MSR1: variants seen among roughly 807,000 people sequenced by gnomAD.
MSR1 encodes macrophage scavenger receptor types I and II.
A neutral mutation model predicts 47.2 loss-of-function variants in MSR1; 53 were observed. That is an observed-to-expected ratio of 1.12 (90% CI 0.90 to 1.41). The LOEUF (loss-of-function observed/expected upper bound fraction) is 1.41. Ranked by LOEUF, MSR1 falls within the 40% of genes most tolerant of loss-of-function variation. The pLI is 0.00. For synonymous variants in MSR1, 239 were observed against 185.6 expected, an observed-to-expected ratio of 1.29 and a Z score of -2.34; for missense variants, 786 against 546.9, an observed-to-expected ratio of 1.44 and a Z score of -4.36.
chr8:16,133,122 T>G (rs553517899), intron 8 of MSR1, among the ~76,000 whole-genome samples: 1 of 152,190 alleles, frequency 6.6e-6, no homozygotes, highest in Non-Finnish European at 1.5e-5. Context: ...ATTAAAACAG[T>G]TTGTGGAAAA....
intron 9 of MSR1, among the ~76,000 whole-genome samples, chr8:16,110,898 T>C (rs1333288389): frequency 1.3e-5 from 2 of 152,146 alleles, no homozygotes; most frequent in African/African-American, 4.8e-5. Context: ...TGTAAGAGTG[T>C]TAACAGTAAG....
intron 8 of MSR1, chr8:16,140,458 C>A: frequency 3.0e-6 from 3 of 987,172 alleles, no homozygotes; most frequent in Non-Finnish European, 3.6e-6. Flanking sequence ...AAAATTTACA[C>A]CCTAGTTGTA....
chr8:16,167,947 T>C (rs905186505), intron 4 of MSR1, among the ~76,000 whole-genome samples: 4 of 152,148 alleles, frequency 2.6e-5, no homozygotes, highest in African/African-American at 7.2e-5. Flanking sequence ...AAACGGAATA[T>C]CAACATGTTG....
chr8:16,111,803 G>T lies in MSR1; in HGVS notation c.1223-1585C>A, dbSNP rs529474912. Among the ~76,000 whole-genome samples the T allele has an allele frequency of 2.5e-3, 381 of 152,204 alleles. 3 individuals carry two copies. The highest frequency in any genetic ancestry group is 5.0e-3 in the Admixed American group (77 of 15,294). ...TTCAAAAACTGAATGCCATTATTGT[G>T]TCATTTTACTGTTGAGGAAACTGAA... On this transcript the variant is annotated intron_variant, in intron 9 of 9. Transcript: ENST00000262101.
chr8:16,123,256 G>A (rs765081434), intron 8 of MSR1, among the ~76,000 whole-genome samples: 7 of 152,072 alleles, frequency 4.6e-5, no homozygotes, highest in African/African-American at 7.2e-5. Context: ...ACACATTGCT[G>A]ATCCTTGACC....
intron 3 of MSR1, among the ~76,000 whole-genome samples, chr8:16,174,177 A>C (rs1801571144): frequency 6.6e-6 from 1 of 152,048 alleles, no homozygotes; most frequent in African/African-American, 2.4e-5. Flanking sequence ...TCTTAGTGGA[A>C]TTTTTGCTCT....
At chr8:16,183,305 T>G (rs1015659229) in intron 1 of MSR1, among the ~76,000 whole-genome samples, 2 of 151,990 alleles carry the variant, frequency 1.3e-5, no homozygotes, top group Non-Finnish European at 1.5e-5. Context: ...AGCTGAAGAC[T>G]TTTGAATCTG....
At chr8:16,166,675 C>T (rs1801321086) in intron 4 of MSR1, among the ~76,000 whole-genome samples, 1 of 152,098 alleles carries the variant, frequency 6.6e-6, no homozygotes, top group African/African-American at 2.4e-5. Context: ...CTTTTCACCT[C>T]TATGGATGAT....
At chr8:16,156,868 C>T (rs1801025359) in intron 5 of MSR1, among the ~76,000 whole-genome samples, 1 of 151,876 alleles carries the variant, frequency 6.6e-6, no homozygotes, top group Non-Finnish European at 1.5e-5. Context: ...TCTCTATGTG[C>T]CCCCTATTCC....
At chr8:16,139,692 T>A (rs1398606014) in intron 8 of MSR1, 1 of 972,322 alleles carries the variant, frequency 1.0e-6, no homozygotes, top group Non-Finnish European at 1.2e-6. Context: ...AAAAGTTTTA[T>A]TTTTGGTTTA....
rs567519528 is a variant in MSR1, at chr8:16,152,671, A to G, written c.899-2360T>C. ...AACAGCTTCTTAGATGGCCCACACAAAGTTTCCTTTAGAAAAGAAAGTTGC... is the reference window on the plus strand; with the variant it reads ...AACAGCTTCTTAGATGGCCCACACAGAGTTTCCTTTAGAAAAGAAAGTTGC... On this transcript the variant is annotated intron_variant, in intron 6 of 9. Transcript: ENST00000262101. Among the ~76,000 whole-genome samples the G allele has an allele frequency of 2.6e-5, 4 of 152,126 alleles. No individual in the cohort carries two copies. In the East Asian group the frequency reaches 7.7e-4, roughly 29 times the overall value.
chr8:16,177,969 A>C lies in MSR1; in HGVS notation c.20T>G (p.Phe7Cys). The C allele has an allele frequency of 1.2e-6, 2 of 1,613,914 alleles. No individual in the cohort carries two copies. The highest frequency in any genetic ancestry group is 2.2e-5 in the South Asian group (2 of 91,072). MEQWDH[F>C]HNQQEDTDSC... The stretch of plus-strand genomic sequence containing the variant: ...ATCAGTGTCCTCCTGTTGATTGTGA[A>C]AGTGATCCCACTGCTCCATACTTCT... Residue 7 changes from phenylalanine (F) to cysteine (C), a missense_variant, in exon 2 of 10, where the codon TTT becomes TGT. Physicochemically the swap from Phe to Cys is radical, Grantham distance 205. Transcript: ENST00000262101.
chr8:16,114,668 G>C (rs546644267), intron 9 of MSR1, among the ~76,000 whole-genome samples: 15 of 152,110 alleles, frequency 9.9e-5, no homozygotes, highest in African/African-American at 3.4e-4. Context: ...CAGAAAAAAA[G>C]GTGCATCCAA....
chr8:16,148,691 C>T (rs1183010555), intron 7 of MSR1, among the ~76,000 whole-genome samples: 1 of 151,982 alleles, frequency 6.6e-6, no homozygotes, highest in Non-Finnish European at 1.5e-5. Flanking sequence ...GATCCGCCCA[C>T]CTCAGTGATC....
chr8:16,108,605 C>T lies in MSR1; in HGVS notation c.*1480G>A, dbSNP rs1217535439. On this transcript the variant is annotated 3_prime_UTR_variant, in exon 10 of 10. Transcript: ENST00000262101. ...CTGAAATTACAGCCAGGGTTTGAGACAGAAAGTGTACATTCAGAATTCATT... is the reference window on the plus strand; with the variant it reads ...CTGAAATTACAGCCAGGGTTTGAGATAGAAAGTGTACATTCAGAATTCATT... 6.6e-6 allele frequency: 1 copy of T among 152,070 alleles called. No homozygotes were observed. Among genetic ancestry groups the T allele is most frequent in the Non-Finnish European group, 1.5e-5 (1 of 67,994 alleles). The allele number at this position is 152,070 out of a possible 1,614,324, so 9.4% of individuals were successfully genotyped here.
At chr8:16,110,305 A>T in intron 9 of MSR1, 87 bp from the exon 10 acceptor site, 2 of 1,447,258 alleles carry the variant, frequency 1.4e-6, no homozygotes, top group Non-Finnish European at 1.9e-6. Flanking sequence ...TCCTTCACTA[A>T]TTAAACAAAA....
chr8:16,123,363 T>A (rs554025555), intron 8 of MSR1, among the ~76,000 whole-genome samples: 8 of 152,200 alleles, frequency 5.3e-5, no homozygotes, highest in African/African-American at 1.9e-4. Flanking sequence ...GTTTTGGTGA[T>A]GTAGAAAAGT....
intron 5 of MSR1, among the ~76,000 whole-genome samples, chr8:16,159,175 C>G (rs987088541): frequency 1.3e-5 from 2 of 151,662 alleles, no homozygotes; most frequent in African/African-American, 4.8e-5. Flanking sequence ...GTTGCTTTTT[C>G]ATTTTCTCTA....
At chr8:16,131,523 T>C (rs555668115) in intron 8 of MSR1, among the ~76,000 whole-genome samples, 106 of 148,508 alleles carry the variant, frequency 7.1e-4, no homozygotes, top group African/African-American at 2.5e-3. Flanking sequence ...TTGATGCAAT[T>C]GCTTTTGGCA....
Sources: allele counts gnomAD v4.1 joint callset (sites outside exome capture counted in the v4.1 genomes callset), GRCh38; gene constraint gnomAD v4.1.1; transcripts MANE v1.5; gene names NCBI Gene and HGNC (gene_info 2026-07-23, HGNC 2026-07-21).